Variants in ABCA9 observed in about 807,000 individuals in gnomAD.
ABCA9 encodes the protein ATP-binding cassette sub-family A member 9.
ABCA9 carries 183 observed loss-of-function variants against 205.3 expected under a neutral mutation model. The observed-to-expected ratio is 0.89, with a 90% CI of 0.79 to 1.01. The LOEUF is 1.01. Among genes scored for constraint, ABCA9 ranks in the 50% least tolerant of loss-of-function variants. ABCA9 has a pLI of 0.00. For missense variants in ABCA9, 1,805 were observed against 1,912.4 expected (o/e 0.94, Z 1.05); for synonymous variants, 651 against 683.3 (o/e 0.95, Z 0.74).
chr17:69,028,710 G>T, intron 11 of ABCA9, 65 bp from the exon 12 acceptor site: 1 of 967,270 alleles, frequency 1.0e-6, no homozygotes, highest in Non-Finnish European at 1.5e-6. Flanking sequence ...CTCTGAAACT[G>T]TTGTAATTTT....
chr17:69,050,119 A>C (rs569935216), intron 2 of ABCA9, among the ~76,000 whole-genome samples: 1 of 152,098 alleles, frequency 6.6e-6, no homozygotes, highest in East Asian at 1.9e-4. Context: ...TTTTTTAGCT[A>C]TGTGTGTTGG....
chr17:69,030,750 G>A (rs888587866), intron 10 of ABCA9, among the ~76,000 whole-genome samples: 12 of 152,030 alleles, frequency 7.9e-5, no homozygotes, highest in Non-Finnish European at 1.8e-4. Flanking sequence ...TTTCATCTAA[G>A]CAATAGAAAT....
At chr17:69,002,601 G>A (rs975306751) in intron 25 of ABCA9, among the ~76,000 whole-genome samples, 2 of 152,134 alleles carry the variant, frequency 1.3e-5, no homozygotes, top group Admixed American at 6.5e-5. Context: ...CTGTTGATTT[G>A]GGGTGGAGAG....
chr17:69,007,739 G>C lies in ABCA9; in HGVS notation c.3435+20C>G, dbSNP rs2070197983. 1 of 1,353,296 alleles carries C rather than the reference G, an allele frequency of 7.4e-7. No homozygotes were observed. Among genetic ancestry groups the C allele is most frequent in the Admixed American group, 1.7e-5 (1 of 57,196 alleles). 83.8% of individuals were successfully genotyped at this position (1,353,296 alleles called of 1,614,324 possible). On this transcript the variant is annotated intron_variant, in intron 25 of 38. Transcript: ENST00000340001. ...ATTTATGAAAAATGGTAAAATAATAGGTAGTATATGCATACTCACAATTAA... is the reference window on the plus strand; with the variant it reads ...ATTTATGAAAAATGGTAAAATAATACGTAGTATATGCATACTCACAATTAA...
Position 68,993,076 on chromosome 17 carries a change from A to G in ABCA9, c.3564T>C (p.Pro1188=), listed in dbSNP as rs1159967944. The G allele has an allele frequency of 2.5e-6, 4 of 1,613,302 alleles. No individual in the cohort carries two copies. The highest frequency in any genetic ancestry group is 3.4e-6 in the Non-Finnish European group (4 of 1,179,356). ...GSLFIFSEIS[P]DSMDYLGASE... ...AAGCTCCTAAGTAATCCATGGAATC[A>G]GGAGAAATCTGTAAAATGAGCAGTA... Residue 1188 remains proline (P), a synonymous_variant, in exon 27 of 39, where the codon CCT becomes CCC. Transcript: ENST00000340001.
intron 25 of ABCA9, among the ~76,000 whole-genome samples, chr17:69,005,857 T>TAAAC (rs1196186405): frequency 6.6e-6 from 1 of 152,222 alleles, no homozygotes; most frequent in African/African-American, 2.4e-5. Context: ...TATTATTTGC[T>TAAAC]AAACAAATAA....
rs973933098 is a variant in ABCA9 at position 69,020,562 on chromosome 17, T to A, written c.2426A>T (p.Gln809Leu). 6.2e-7 allele frequency: 1 copy of A among 1,613,860 alleles called. No homozygotes were observed. The change falls in exon 19 of 39, where the codon CAA becomes CTA. Residue 809 changes from glutamine to leucine, a missense_variant. Transcript: ENST00000340001. Reference sequence around the variant, plus strand: ...TCCTATATCTTTTGCCCCATCAGTTTGTAATTGTCCCCAAATTCCAATATC... The same window carrying A: ...TCCTATATCTTTTGCCCCATCAGTTAGTAATTGTCCCCAAATTCCAATATC... ...ESDIGIWGQL[Q>L]TDGAKDIGSL...
chr17:69,012,771 A>G (rs148431747), intron 22 of ABCA9, among the ~76,000 whole-genome samples: 34 of 152,274 alleles, frequency 2.2e-4, no homozygotes, highest in African/African-American at 7.7e-4. Flanking sequence ...TTTTAAGTAT[A>G]TGATTAAATT....
Position 69,035,643 on chromosome 17 carries a change from G to A in ABCA9, c.942+17C>T. The stretch of plus-strand genomic sequence containing the variant: ...GAGAAAGAGAATAAAAGACTTAGAT[G>A]AAATTAACCAACTCACCAAAGACAG... On this transcript the variant is annotated intron_variant, in intron 7 of 38. Transcript: ENST00000340001. 1 of 1,611,612 alleles carries A rather than the reference G, an allele frequency of 6.2e-7. No individual in the cohort carries two copies. The highest frequency in any genetic ancestry group is 8.5e-7 in the Non-Finnish European group (1 of 1,179,074).
chr17:69,043,727 TA>T lies in ABCA9; in HGVS notation c.574-13del. 6.4e-7 allele frequency: 1 copy of T among 1,567,370 alleles called. No homozygotes were observed. Among genetic ancestry groups the T allele is most frequent in the Non-Finnish European group, 8.6e-7 (1 of 1,158,666 alleles). On this transcript the variant is annotated splice_polypyrimidine_tract_variant and intron_variant, in intron 5 of 38. Coordinates refer to ENST00000340001, the MANE Select transcript of ABCA9 (RefSeq NM_080283.4). ...TGATTTGTTGCGATCTGAAGAAAGA[TA>T]TCAATGAACAAATTGTTATCATCAA... is the stretch of plus-strand genomic sequence containing the variant.
intron 1 of ABCA9, among the ~76,000 whole-genome samples, chr17:69,055,435 G>C (rs986628002): frequency 6.6e-6 from 1 of 152,148 alleles, no homozygotes; most frequent in Admixed American, 6.5e-5. Flanking sequence ...GATAAAGTGA[G>C]AAGTTACATA....
intron 29 of ABCA9, 74 bp from the exon 30 acceptor site, chr17:68,990,004 C>A: frequency 9.8e-7 from 1 of 1,021,790 alleles, no homozygotes. Context: ...ACTCTTGTCA[C>A]CAAACCTTTC....
intron 6 of ABCA9, among the ~76,000 whole-genome samples, chr17:69,041,729 T>TTTATCTATC (rs2071546980): frequency 6.7e-6 from 1 of 149,350 alleles, no homozygotes; most frequent in African/African-American, 2.5e-5. Flanking sequence ...AAGAAAGAAA[T>TTTATCTATC]TATCTATCTA....
At chr17:69,027,556 G>C in intron 13 of ABCA9, 84 bp downstream of exon 13, 1 of 1,558,018 alleles carries the variant, frequency 6.4e-7, no homozygotes, top group Non-Finnish European at 8.7e-7. Flanking sequence ...ATTTAGATGA[G>C]GAATTATGTA....
chr17:69,015,977 G>A (rs1033032314), intron 22 of ABCA9, among the ~76,000 whole-genome samples: 1 of 151,150 alleles, frequency 6.6e-6, no homozygotes, highest in Non-Finnish European at 1.5e-5. Flanking sequence ...AATTGTGTGT[G>A]TGTGTGTGTG....
intron 37 of ABCA9, among the ~76,000 whole-genome samples, chr17:68,981,204 C>T (rs933698328): frequency 6.6e-6 from 1 of 151,882 alleles, no homozygotes; most frequent in Non-Finnish European, 1.5e-5. Flanking sequence ...TAAATAAATT[C>T]AGATTTATTG....
chr17:69,045,867 C>G (rs115096904), intron 3 of ABCA9, among the ~76,000 whole-genome samples: 2,858 of 152,234 alleles, frequency 0.019, 74 homozygotes, highest in African/African-American at 0.065. Context: ...AGGTCCCTCC[C>G]TTGACTCATG....
chr17:68,983,820 C>T lies in ABCA9; in HGVS notation c.4529G>A (p.Ser1510Asn). ...CAGCAGGTAGTCTTTGCCAAATTTG[C>T]TTTTCAGGTGTTGGATGGAACCAAT... ...RCIGSIQHLKSKFGKDYLLEM... is the reference protein window; with the variant it reads ...RCIGSIQHLKNKFGKDYLLEM... Residue 1510 changes from serine to asparagine, a missense_variant, in exon 36 of 39, where the codon AGC becomes AAC. By Grantham distance (46) the Ser-to-Asn change is conservative (BLOSUM62 1). Transcript: ENST00000340001. 1.9e-6 allele frequency: 3 copies of T among 1,614,142 alleles called. No homozygotes were observed. The highest frequency in any genetic ancestry group is 1.7e-6 in the Non-Finnish European group (2 of 1,180,032).
At chr17:68,980,788 T>G (rs2069027091) in intron 37 of ABCA9, among the ~76,000 whole-genome samples, 1 of 144,706 alleles carries the variant, frequency 6.9e-6, no homozygotes, top group Admixed American at 6.9e-5. Flanking sequence ...GGGAGAGGGA[T>G]AGAATTAGGA....
Sources: gnomAD v4.1 joint callset for allele counts (sites outside exome capture counted in the v4.1 genomes callset) on GRCh38, gnomAD v4.1.1 for gene constraint, MANE v1.5 for transcripts, NCBI Gene and HGNC (gene_info 2026-07-23, HGNC 2026-07-21) for gene names.